The following MALRD1 variants were observed in gnomAD, a reference collection of about 807,000 sequenced individuals.
The protein encoded by MALRD1 is MAM and LDL receptor class A domain containing 1.
MALRD1 carries 247 observed loss-of-function variants against 242.1 expected under a neutral mutation model. The observed-to-expected ratio is 1.02, with a 90% CI of 0.92 to 1.13. The LOEUF is 1.13. MALRD1 is among the 50% of genes most tolerant of loss of function. The pLI, the probability that MALRD1 is intolerant of heterozygous loss-of-function variation, is 0.00. For missense variants in MALRD1, 2,989 were observed against 2,533.1 expected (o/e 1.18, Z -3.86); for synonymous variants, 995 against 866.6 (o/e 1.15, Z -2.60).
chr10:19,438,180 T>G (rs1219308506), intron 28 of MALRD1, among the ~76,000 whole-genome samples: 1 of 151,990 alleles, frequency 6.6e-6, no homozygotes, highest in Non-Finnish European at 1.5e-5. Flanking sequence ...TGTTTCTTTT[T>G]TTACTCTAGG....
rs34481531 is a variant in MALRD1, at chr10:19,320,041, CTTTTTTTTTTTT to C, written c.3420-3897_3420-3886del. ...TGCTAACCTGAGTTTTATAAAACTG[CTTTTTTTTTTTT>C]TTTTTTTTTTCAAATTTTACTTTAG... is the stretch of plus-strand genomic sequence containing the variant. On this transcript the variant is annotated intron_variant, in intron 21 of 39. Transcript: ENST00000454679. 3.8e-4 allele frequency among the ~76,000 whole-genome samples: 28 copies of C among 73,086 alleles called. 1 individual carries two copies. In the East Asian group the frequency reaches 0.012, roughly 31 times the overall value. The allele number at this position is 73,086 out of a possible 152,430, so 47.9% of individuals were successfully genotyped here.
intron 29 of MALRD1, among the ~76,000 whole-genome samples, chr10:19,460,611 C>A (rs995249774): frequency 1.3e-5 from 2 of 152,086 alleles, no homozygotes; most frequent in Admixed American, 1.3e-4. Context: ...CAATCATATT[C>A]AAGCTGCTAG....
chr10:19,686,183 G>A (rs1842575259), intron 36 of MALRD1, among the ~76,000 whole-genome samples: 1 of 12,582 alleles, frequency 7.9e-5, no homozygotes, highest in Non-Finnish European at 1.4e-4. Context: ...TGAAAAAGGA[G>A]TAAAGTACAC....
intron 32 of MALRD1, among the ~76,000 whole-genome samples, chr10:19,554,307 G>A (rs1249733027): frequency 6.6e-6 from 1 of 152,152 alleles, no homozygotes; most frequent in Non-Finnish European, 1.5e-5. Flanking sequence ...ACGGGTAGCA[G>A]GCAATGTCAC....
chr10:19,364,756 G>A (rs1845039403), intron 26 of MALRD1, among the ~76,000 whole-genome samples: 1 of 152,026 alleles, frequency 6.6e-6, no homozygotes, highest in African/African-American at 2.4e-5. Flanking sequence ...GAAAACTTCA[G>A]CTTCACTTGA....
At chr10:19,588,834 G>A (rs570457877) in intron 33 of MALRD1, among the ~76,000 whole-genome samples, 1 of 152,070 alleles carries the variant, frequency 6.6e-6, no homozygotes. Context: ...GTAGAGATAG[G>A]GTTTCACCAC....
intron 1 of MALRD1, chr10:19,051,568 T>C (rs549978546): frequency 2.4e-5 from 4 of 167,768 alleles, no homozygotes; most frequent in Non-Finnish European, 4.0e-5. Context: ...TAGAAGATGA[T>C]GAAGATTTGA....
intron 26 of MALRD1, among the ~76,000 whole-genome samples, chr10:19,355,295 A>T (rs956964132): frequency 6.6e-6 from 1 of 152,096 alleles, no homozygotes; most frequent in East Asian, 1.9e-4. Context: ...TATCAGTTTA[A>T]TTTTTTCTCA....
intron 22 of MALRD1, among the ~76,000 whole-genome samples, chr10:19,326,919 C>G (rs1312423144): frequency 2.0e-5 from 3 of 152,074 alleles, no homozygotes; most frequent in Non-Finnish European, 4.4e-5. Flanking sequence ...GCCTTAGTTA[C>G]TCTCTTCATG....
intron 28 of MALRD1, among the ~76,000 whole-genome samples, chr10:19,442,597 T>C (rs1312858060): frequency 6.6e-6 from 1 of 152,150 alleles, no homozygotes; most frequent in East Asian, 1.9e-4. Context: ...TTGTCTTTGG[T>C]TCTGTTTATA....
chr10:19,302,317 A>G (rs1167210296), intron 21 of MALRD1, among the ~76,000 whole-genome samples: 1 of 151,958 alleles, frequency 6.6e-6, no homozygotes, highest in Middle Eastern at 3.4e-3. Context: ...ACATATACCC[A>G]CAAAAAACCT....
intron 36 of MALRD1, among the ~76,000 whole-genome samples, chr10:19,651,110 T>C (rs1236074561): frequency 1.3e-5 from 2 of 152,230 alleles, no homozygotes; most frequent in African/African-American, 4.8e-5. Flanking sequence ...CCATTTCTCT[T>C]CTTTTTCTCT....
At chr10:19,519,543 A>T (rs1479471262) in intron 31 of MALRD1, among the ~76,000 whole-genome samples, 1 of 152,118 alleles carries the variant, frequency 6.6e-6, no homozygotes, top group East Asian at 1.9e-4. Flanking sequence ...AGGAGGCAGG[A>T]GGACTACTTG....
At chr10:19,437,241 T>C (rs1238684182) in intron 28 of MALRD1, among the ~76,000 whole-genome samples, 1 of 152,146 alleles carries the variant, frequency 6.6e-6, no homozygotes, top group Admixed American at 6.6e-5. Flanking sequence ...TTTGTCTCTT[T>C]GTTCTTCGTT....
At chr10:19,675,158 C>A (rs1842087196) in intron 36 of MALRD1, among the ~76,000 whole-genome samples, 1 of 152,150 alleles carries the variant, frequency 6.6e-6, no homozygotes, top group Non-Finnish European at 1.5e-5. Context: ...CAATTCTATG[C>A]AACTTGACTA....
At chr10:19,471,561 G>C (rs536349492) in intron 29 of MALRD1, among the ~76,000 whole-genome samples, 7 of 150,614 alleles carry the variant, frequency 4.6e-5, no homozygotes, top group African/African-American at 1.7e-4. Flanking sequence ...TTCAATTCAT[G>C]AACATGGGAT....
At chr10:19,681,002 C>T (rs1265983922) in intron 36 of MALRD1, among the ~76,000 whole-genome samples, 1 of 152,176 alleles carries the variant, frequency 6.6e-6, no homozygotes, top group Non-Finnish European at 1.5e-5. Context: ...AGGGTTTCTG[C>T]TGAGAGGTCT....
At chr10:19,326,025 A>G (rs1268011715) in intron 22 of MALRD1, among the ~76,000 whole-genome samples, 3 of 118,954 alleles carry the variant, frequency 2.5e-5, no homozygotes, top group Non-Finnish European at 3.7e-5. Flanking sequence ...ATTAAATTTC[A>G]TATCAATTTT....
rs138574774 is a variant in MALRD1, at chr10:19,131,979, A to G, written c.1111-1877A>G. 5.2e-3 allele frequency among the ~76,000 whole-genome samples: 791 copies of G among 152,292 alleles called. 11 individuals are homozygous for G. Among genetic ancestry groups the G allele is most frequent in the African/African-American group, 0.018 (729 of 41,554 alleles). The stretch of plus-strand genomic sequence containing the variant: ...TTCACTTAGAATAAATTCTTTTTAC[A>G]AAACATTGCTAGTGCCATCAGACTG... On this transcript the variant is annotated intron_variant, in intron 8 of 39. Transcript: ENST00000454679.
Sources: gnomAD v4.1 joint callset for allele counts (sites outside exome capture counted in the v4.1 genomes callset) on GRCh38, gnomAD v4.1.1 for gene constraint, MANE v1.5 for transcripts, NCBI Gene and HGNC (gene_info 2026-07-23, HGNC 2026-07-21) for gene names.